The following PHF21A variants were observed in gnomAD, a reference collection of about 807,000 sequenced individuals.
The protein encoded by PHF21A is BHC80a.
A neutral mutation model predicts 82.5 loss-of-function variants in PHF21A; 11 were observed. The ratio of observed to expected loss-of-function variants is 0.13; its 90% confidence interval spans 0.08 to 0.22. The LOEUF is 0.22. Ranked by LOEUF, PHF21A falls within the 10% of genes least tolerant of loss-of-function variation. The pLI is 1.00. For missense variants in PHF21A, 579 were observed against 837.8 expected (o/e 0.69, Z 3.81); for synonymous variants, 297 against 302.8 (o/e 0.98, Z 0.20).
At chr11:46,042,157 G>T (rs541059768) in intron 6 of PHF21A, among the ~76,000 whole-genome samples, 133 of 152,086 alleles carry the variant, frequency 8.7e-4, no homozygotes, top group Non-Finnish European at 1.1e-3. Flanking sequence ...AGGGTGCCAG[G>T]CAACTTAATA....
Position 45,945,954 on chromosome 11 carries a change from T to C in PHF21A, c.1338A>G (p.Pro446=). The C allele has an allele frequency of 2.5e-6, 4 of 1,613,632 alleles. No homozygotes were observed. The highest frequency in any genetic ancestry group is 3.4e-6 in the Non-Finnish European group (4 of 1,179,782). ...NAVLGFGALT[P]TSPQSSHPDS... ...CAGGATGACTGGATTGGGGGGATGT[T>C]GGGGTAAGGGCTCCAAACCCCAGCA... Residue 446 remains proline, a synonymous_variant, in exon 15 of 19, where the codon CCA becomes CCG. Transcript: ENST00000676320.
chr11:45,972,405 G>A (rs1314308863), intron 7 of PHF21A, among the ~76,000 whole-genome samples: 2 of 152,190 alleles, frequency 1.3e-5, no homozygotes, highest in Admixed American at 1.3e-4. Context: ...CATTGATTCT[G>A]ATTTTGATAC....
chr11:46,023,542 T>C (rs2095672653), intron 6 of PHF21A, among the ~76,000 whole-genome samples: 1 of 152,194 alleles, frequency 6.6e-6, no homozygotes, highest in Non-Finnish European at 1.5e-5. Flanking sequence ...TCCCCTCAGA[T>C]ATGAAAAGGT....
chr11:46,022,007 C>CA, intron 6 of PHF21A, among the ~76,000 whole-genome samples: 1 of 152,114 alleles, frequency 6.6e-6, no homozygotes, highest in East Asian at 1.9e-4. Context: ...TCCAGTGAAG[C>CA]AGAGATAACT....
chr11:46,119,112 A>AAG (rs1852233428), intron 1 of PHF21A, among the ~76,000 whole-genome samples: 1 of 1,788 alleles, frequency 5.6e-4, no homozygotes, highest in African/African-American at 8.7e-4. Flanking sequence ...CAACTGCTTT[A>AAG]AAAAAAAAAA....
At chr11:45,984,516 T>A (rs1007485311) in intron 6 of PHF21A, among the ~76,000 whole-genome samples, 1 of 152,218 alleles carries the variant, frequency 6.6e-6, no homozygotes, top group Non-Finnish European at 1.5e-5. Context: ...ATCAACGTGT[T>A]CACACGACAG....
chr11:45,958,132 G>A (rs117109731), intron 10 of PHF21A, among the ~76,000 whole-genome samples: 4,151 of 151,370 alleles, frequency 0.027, 59 homozygotes, highest in South Asian at 0.07. Context: ...AATTCTCCCC[G>A]AAAAGAAAAA....
chr11:45,958,417 AAAATATATATATAT>A, intron 10 of PHF21A, among the ~76,000 whole-genome samples: 1 of 20,810 alleles, frequency 4.8e-5, no homozygotes, highest in South Asian at 2.1e-3. Context: ...AAAAAAAAAA[AAAATATATATATAT>A]ATATATATAT....
chr11:45,952,434 G>C (rs1477655269), intron 11 of PHF21A, among the ~76,000 whole-genome samples: 3 of 152,110 alleles, frequency 2.0e-5, no homozygotes, highest in Admixed American at 6.5e-5. Context: ...GCAGAAACAA[G>C]GTCTCACTAT....
At chr11:46,011,416 T>C (rs149508155) in intron 6 of PHF21A, among the ~76,000 whole-genome samples, 157 of 152,022 alleles carry the variant, frequency 1.0e-3, no homozygotes, top group African/African-American at 3.7e-3. Context: ...CTGAGCCCAG[T>C]AGGTGGAGGT....
chr11:45,935,435 A>G (rs1375185557), intron 18 of PHF21A: 22 of 666,850 alleles, frequency 3.3e-5, no homozygotes, highest in East Asian at 1.4e-4. Context: ...GAGCTTGGGT[A>G]AGGCACCACC....
At chr11:45,974,481 TC>T (rs2093930588) in intron 7 of PHF21A, among the ~76,000 whole-genome samples, 1 of 151,720 alleles carries the variant, frequency 6.6e-6, no homozygotes, top group Non-Finnish European at 1.5e-5. Flanking sequence ...TGAGACAGGG[TC>T]TTGCTCTGTC....
rs578171784 is a variant in PHF21A, at chr11:45,949,310, T to G, written c.1227+92A>C. 930 of 1,026,244 alleles carry G rather than the reference T, an allele frequency of 9.1e-4. 14 individuals are homozygous for G. In the South Asian group the frequency reaches 0.012, roughly 13 times the overall value. The allele number at this position is 1,026,244 out of a possible 1,614,324, so 63.6% of individuals were successfully genotyped here. A position where few individuals can be genotyped will look rare whatever the true frequency, so the allele number is the denominator to read the frequency against. Reference sequence around the variant, plus strand: ...AACTGGCCAAGTACAATCAGGGTGCTGCTCTTCAGCAGGTTTTCAGAGGGG... The same window carrying G: ...AACTGGCCAAGTACAATCAGGGTGCGGCTCTTCAGCAGGTTTTCAGAGGGG... On this transcript the variant is annotated intron_variant, in intron 13 of 18. Coordinates refer to ENST00000676320, the MANE Select transcript of PHF21A (RefSeq NM_001352027.3).
chr11:45,962,735 T>C (rs1025062045), intron 10 of PHF21A, among the ~76,000 whole-genome samples: 1 of 139,266 alleles, frequency 7.2e-6, no homozygotes, highest in Non-Finnish European at 1.6e-5. Context: ...CTACTAAAAA[T>C]ACAAAAAATT....
chr11:45,994,257 C>A (rs1325068048), intron 6 of PHF21A, among the ~76,000 whole-genome samples: 3 of 152,226 alleles, frequency 2.0e-5, no homozygotes, highest in Non-Finnish European at 4.4e-5. Context: ...TAAATCATAG[C>A]AAACTTTACT....
At chr11:45,963,130 T>C (rs975700358) in intron 10 of PHF21A, among the ~76,000 whole-genome samples, 3 of 151,840 alleles carry the variant, frequency 2.0e-5, no homozygotes, top group Non-Finnish European at 4.4e-5. Flanking sequence ...ACATAGAAAA[T>C]ATCTGGGGGC....
intron 9 of PHF21A, among the ~76,000 whole-genome samples, chr11:45,966,688 C>T (rs986523686): frequency 4.0e-4 from 61 of 152,112 alleles, no homozygotes; most frequent in African/African-American, 1.5e-3. Flanking sequence ...GGCGCGACCT[C>T]GGCTCACAGC....
chr11:46,005,677 C>T (rs2095277458), intron 6 of PHF21A, among the ~76,000 whole-genome samples: 1 of 152,126 alleles, frequency 6.6e-6, no homozygotes, highest in Admixed American at 6.5e-5. Flanking sequence ...GTTAAATAAA[C>T]ATTAGGGGAA....
rs1211340179 is a variant in PHF21A at position 45,970,986 on chromosome 11, G to A, written c.612+130C>T. The A allele has an allele frequency of 2.6e-6, 3 of 1,139,462 alleles. No individual in the cohort carries two copies. In the Admixed American group the frequency reaches 8.4e-5, roughly 32 times the overall value. 70.6% of individuals were successfully genotyped at this position (1,139,462 alleles called of 1,614,324 possible). A position where few individuals can be genotyped will look rare whatever the true frequency, so the allele number is the denominator to read the frequency against. ...GCCATATTCCCTTGTCAGCCCCAAA[G>A]GGGAATTTGGTATGCTAGAAGAATG... On this transcript the variant is annotated intron_variant, in intron 8 of 18. Coordinates refer to ENST00000676320, the MANE Select transcript of PHF21A (RefSeq NM_001352027.3).
Sources: gnomAD v4.1 joint callset for allele counts (sites outside exome capture counted in the v4.1 genomes callset) on GRCh38, gnomAD v4.1.1 for gene constraint, MANE v1.5 for transcripts, NCBI Gene and HGNC (gene_info 2026-07-23, HGNC 2026-07-21) for gene names.